Variants in HOMER1 observed in about 807,000 individuals in gnomAD.
The protein encoded by HOMER1 is homer scaffold protein 1.
Under a neutral mutation model 48.9 loss-of-function variants are expected in HOMER1, and 3 were observed. That is an observed-to-expected ratio of 0.06 (90% confidence interval 0.03 to 0.16). The LOEUF is 0.16. HOMER1 is among the 10% of genes least tolerant of loss of function. The pLI, the probability that HOMER1 is intolerant of heterozygous loss-of-function variation, is 1.00. For missense variants in HOMER1, 247 were observed against 411.4 expected (o/e 0.60, Z 3.46); for synonymous variants, 134 against 146.4 (o/e 0.92, Z 0.61).
At chr5:79,492,499 G>GAA (rs112668228) in intron 1 of HOMER1, among the ~76,000 whole-genome samples, 15 of 148,146 alleles carry the variant, frequency 1.0e-4, no homozygotes, top group East Asian at 3.9e-4. Flanking sequence ...ATGAAAGAAG[G>GAA]AAAAAAAAAA....
intron 5 of HOMER1, among the ~76,000 whole-genome samples, chr5:79,403,909 T>G (rs1417895519): frequency 6.6e-6 from 1 of 152,216 alleles, no homozygotes; most frequent in African/African-American, 2.4e-5. Context: ...AGCAACAAGC[T>G]AAGCTATTAA....
At chr5:79,409,299 G>A (rs1209771890) in intron 5 of HOMER1, among the ~76,000 whole-genome samples, 2 of 151,964 alleles carry the variant, frequency 1.3e-5, no homozygotes, top group Non-Finnish European at 2.9e-5. Flanking sequence ...AGGCATGGTG[G>A]TGAATACCTG....
At chr5:79,393,840 T>C (rs543231600) in intron 8 of HOMER1, among the ~76,000 whole-genome samples, 5 of 152,290 alleles carry the variant, frequency 3.3e-5, no homozygotes, top group African/African-American at 1.2e-4. Context: ...TATGCAGCCA[T>C]TGGGCTTATG....
At position 79,472,406 on chromosome 5, in the gene HOMER1, G is replaced by A. The variant is rs1297545475; in HGVS notation, c.6-15388C>T. 2.6e-5 allele frequency among the ~76,000 whole-genome samples: 4 copies of A among 152,090 alleles called. No homozygotes were observed. The South Asian group carries it at 8.3e-4, about 32-fold the overall frequency. ...ATAAATACATATGTAAACATTCATT[G>A]AGCTGCAGATTTGTGCACTTTACTG... On this transcript the variant is annotated intron_variant, in intron 1 of 8. Coordinates refer to ENST00000334082, the MANE Select transcript of HOMER1 (RefSeq NM_004272.5).
chr5:79,485,828 C>T (rs145457820), intron 1 of HOMER1, among the ~76,000 whole-genome samples: 2 of 152,284 alleles, frequency 1.3e-5, no homozygotes, highest in African/African-American at 4.8e-5. Context: ...CCAAAGATGG[C>T]TGCAACAGTA....
chr5:79,386,947 TTTCCTTTCTTCCTTCCCTTCCC>T (rs1749126973), intron 8 of HOMER1, among the ~76,000 whole-genome samples: 2 of 67,344 alleles, frequency 3.0e-5, no homozygotes, highest in African/African-American at 1.3e-4. Context: ...CCTTCCTTCC[TTTCCTTTCTTCCTTCCCTTCCC>T]TTCTTCCTTC....
intron 5 of HOMER1, among the ~76,000 whole-genome samples, chr5:79,435,214 T>C (rs1278037121): frequency 1.3e-5 from 2 of 152,256 alleles, no homozygotes; most frequent in Non-Finnish European, 2.9e-5. Context: ...ACTAACCACA[T>C]TACTAAAACT....
chr5:79,467,260 A>C (rs1179664977), intron 1 of HOMER1, among the ~76,000 whole-genome samples: 1 of 151,874 alleles, frequency 6.6e-6, no homozygotes, highest in African/African-American at 2.4e-5. Context: ...GCGTGCTGGC[A>C]GGGGCCTGTA....
chr5:79,438,894 A>T, intron 5 of HOMER1, 116 bp downstream of exon 5: 1 of 774,378 alleles, frequency 1.3e-6, no homozygotes, highest in Non-Finnish European at 2.0e-6. Flanking sequence ...AAAAAAAAAA[A>T]AGTCAAAGTC....
intron 1 of HOMER1, among the ~76,000 whole-genome samples, chr5:79,500,524 C>A (rs185740566): frequency 6.6e-6 from 1 of 152,164 alleles, no homozygotes; most frequent in East Asian, 1.9e-4. Flanking sequence ...TCACCACAGA[C>A]GGCAAAACCA....
intron 1 of HOMER1, chr5:79,510,594 T>G: frequency 2.4e-6 from 2 of 825,968 alleles, no homozygotes; most frequent in Non-Finnish European, 4.2e-6. Flanking sequence ...AAGAAGGGCC[T>G]AAAGAAGATG....
intron 5 of HOMER1, among the ~76,000 whole-genome samples, chr5:79,422,135 G>A (rs186622313): frequency 1.3e-5 from 2 of 152,008 alleles, no homozygotes; most frequent in Admixed American, 1.3e-4. Context: ...GCTGAGGTGG[G>A]AGAATCACTT....
rs1247053214 is a variant in HOMER1, at chr5:79,407,242, G to C, written c.528-5187C>G. Among the ~76,000 whole-genome samples the C allele has an allele frequency of 2.0e-5, 3 of 151,704 alleles. No homozygotes were observed. In the East Asian group the frequency reaches 5.8e-4, roughly 29 times the overall value. On this transcript the variant is annotated intron_variant, in intron 5 of 8. Coordinates refer to ENST00000334082, the MANE Select transcript of HOMER1 (RefSeq NM_004272.5). ...TCATACCCATTTCTAGGAGGAAATAGTGTTCATCATTACTGTCCTCCACAC... is the reference window on the plus strand; with the variant it reads ...TCATACCCATTTCTAGGAGGAAATACTGTTCATCATTACTGTCCTCCACAC...
chr5:79,513,691 C>A lies in HOMER1; in HGVS notation c.-917G>T, dbSNP rs1023692685. ...CAGAGCACAGCGGGTCTGAGGCTCC[C>A]GTCGGCGGAGAATGAATGAATCACA... On this transcript the variant is annotated 5_prime_UTR_variant, in exon 1 of 9. Transcript: ENST00000334082. 1 of 152,316 alleles carries A rather than the reference C, an allele frequency of 6.6e-6. No individual in the cohort carries two copies. Among genetic ancestry groups the A allele is most frequent in the Non-Finnish European group, 1.5e-5 (1 of 68,204 alleles). The allele number at this position is 152,316 out of a possible 1,614,324, so 9.4% of individuals were successfully genotyped here. A position where few individuals can be genotyped will look rare whatever the true frequency, so the allele number is the denominator to read the frequency against.
intron 5 of HOMER1, among the ~76,000 whole-genome samples, chr5:79,427,638 C>T (rs1388226198): frequency 6.6e-6 from 1 of 151,658 alleles, no homozygotes; most frequent in Non-Finnish European, 1.5e-5. Flanking sequence ...TTCCTTCCTT[C>T]CTTTCCTTCC....
At chr5:79,460,003 G>A (rs1751273115) in intron 1 of HOMER1, among the ~76,000 whole-genome samples, 1 of 147,534 alleles carries the variant, frequency 6.8e-6, no homozygotes, top group Non-Finnish European at 1.5e-5. Context: ...ACACGAAATA[G>A]TTTTGCTTTT....
At chr5:79,429,855 C>A (rs1336888743) in intron 5 of HOMER1, among the ~76,000 whole-genome samples, 1 of 152,038 alleles carries the variant, frequency 6.6e-6, no homozygotes, top group Non-Finnish European at 1.5e-5. Flanking sequence ...AACCCCGTCT[C>A]TACTAAAAAT....
At chr5:79,510,968 G>A in intron 1 of HOMER1, 1 of 495,274 alleles carries the variant, frequency 2.0e-6, no homozygotes, top group East Asian at 3.1e-5. Context: ...GCATGGGGCT[G>A]TGGGGCTGGG....
chr5:79,392,216 A>G (rs1749271226), intron 8 of HOMER1, among the ~76,000 whole-genome samples: 1 of 152,220 alleles, frequency 6.6e-6, no homozygotes, highest in African/African-American at 2.4e-5. Flanking sequence ...TATTTAAAAA[A>G]ACATTAATTA....
Sources: allele counts gnomAD v4.1 joint callset (sites outside exome capture counted in the v4.1 genomes callset), GRCh38; gene constraint gnomAD v4.1.1; transcripts MANE v1.5; gene names NCBI Gene and HGNC (gene_info 2026-07-23, HGNC 2026-07-21).